GRM8: variants seen among roughly 807,000 people sequenced by gnomAD.
GRM8 encodes the protein metabotropic glutamate receptor 8.
A neutral mutation model predicts 87.2 loss-of-function variants in GRM8; 47 were observed. The observed-to-expected ratio is 0.54, with a 90% CI of 0.43 to 0.69. The LOEUF is 0.69. GRM8 is among the 30% of genes least tolerant of loss of function. GRM8 has a pLI of 0.00. For synonymous variants in GRM8, 396 were observed against 404.5 expected, an observed-to-expected ratio of 0.98 and a Z score of 0.25; for missense variants, 1,019 against 1,139.2, an observed-to-expected ratio of 0.89 and a Z score of 1.52.
intron 7 of GRM8, among the ~76,000 whole-genome samples, chr7:126,732,620 T>C (rs1813725536): frequency 6.6e-6 from 1 of 152,166 alleles, no homozygotes; most frequent in African/African-American, 2.4e-5. Context: ...AATTCACTTA[T>C]CCTTATTTGT....
intron 7 of GRM8, among the ~76,000 whole-genome samples, chr7:126,734,476 T>G (rs1813970920): frequency 6.6e-6 from 1 of 151,312 alleles, no homozygotes; most frequent in Non-Finnish European, 1.5e-5. Context: ...TAATATTGTA[T>G]AGTAATATAT....
chr7:126,715,386 G>T (rs1811615448), intron 7 of GRM8, among the ~76,000 whole-genome samples: 1 of 152,098 alleles, frequency 6.6e-6, no homozygotes, highest in African/African-American at 2.4e-5. Context: ...ATTTAATGCT[G>T]CACCCTTAAG....
intron 2 of GRM8, among the ~76,000 whole-genome samples, chr7:127,165,717 A>C (rs1277457750): frequency 2.0e-5 from 3 of 152,114 alleles, no homozygotes; most frequent in African/African-American, 7.2e-5. Context: ...TTACACCTTT[A>C]AACTGGTTTC....
chr7:127,117,006 T>G (rs1826736423), intron 2 of GRM8, among the ~76,000 whole-genome samples: 1 of 152,074 alleles, frequency 6.6e-6, no homozygotes, highest in Non-Finnish European at 1.5e-5. Flanking sequence ...AATAAATGAA[T>G]GGATAGATGA....
At chr7:126,823,130 TTTATTAA>T (rs1430440954) in intron 6 of GRM8, among the ~76,000 whole-genome samples, 1 of 152,206 alleles carries the variant, frequency 6.6e-6, no homozygotes, top group Non-Finnish European at 1.5e-5. Flanking sequence ...GAAATAAGAT[TTTATTAA>T]TGCAGTCTAA....
intron 7 of GRM8, among the ~76,000 whole-genome samples, chr7:126,624,383 A>T (rs1382887616): frequency 6.6e-6 from 1 of 152,042 alleles, no homozygotes; most frequent in Non-Finnish European, 1.5e-5. Context: ...TGATCTTCTG[A>T]CTGGCTTCTT....
At chr7:126,997,488 A>G (rs900181967) in intron 3 of GRM8, among the ~76,000 whole-genome samples, 2 of 151,382 alleles carry the variant, frequency 1.3e-5, no homozygotes, top group Admixed American at 6.6e-5. Flanking sequence ...GATAAACAAA[A>G]CCAGAAGTTT....
At chr7:127,050,699 A>G (rs2132485186) in intron 3 of GRM8, among the ~76,000 whole-genome samples, 1 of 152,254 alleles carries the variant, frequency 6.6e-6, no homozygotes, top group South Asian at 2.1e-4. Flanking sequence ...CATCAAAGAC[A>G]CATTCTGATA....
At chr7:127,069,320 GCC>G (rs1821446005) in intron 3 of GRM8, among the ~76,000 whole-genome samples, 1 of 152,064 alleles carries the variant, frequency 6.6e-6, no homozygotes, top group Admixed American at 6.5e-5. Context: ...GCACCAACAT[GCC>G]CAGCTAATTT....
intron 8 of GRM8, among the ~76,000 whole-genome samples, chr7:126,562,647 C>A (rs1055750984): frequency 2.0e-5 from 3 of 152,174 alleles, no homozygotes; most frequent in Non-Finnish European, 4.4e-5. Flanking sequence ...GTAATCCCAG[C>A]ACTTTGGGAG....
At chr7:127,229,804 T>C (rs989937050) in intron 2 of GRM8, 2 of 152,216 alleles carry the variant, frequency 1.3e-5, no homozygotes, top group African/African-American at 4.8e-5. Flanking sequence ...ACAGTGTAGG[T>C]ATGATTACTC....
Position 126,533,147 on chromosome 7 carries a change from A to G in GRM8, c.2235T>C (p.Ser745=). 2 of 1,613,378 alleles carry G rather than the reference A, an allele frequency of 1.2e-6. No homozygotes were observed. The highest frequency in any genetic ancestry group is 2.2e-5 in the South Asian group (2 of 91,038). The change falls in exon 9 of 11, where the codon TCT becomes TCC. Residue 745 remains serine (S), a synonymous_variant. Transcript: ENST00000339582. The part of the protein sequence containing the change: ...KARGVLKCDI[S]DLSLICSLGY... ...CAAGTGAACAAATGAGTGAGAGATC[A>G]GAAATGTCACACTTGAGCACTCCCC...
At chr7:127,116,738 C>T (rs1213457724) in intron 2 of GRM8, among the ~76,000 whole-genome samples, 1 of 152,174 alleles carries the variant, frequency 6.6e-6, no homozygotes, top group Non-Finnish European at 1.5e-5. Flanking sequence ...GTGTATACTA[C>T]CCAATTTGCA....
intron 7 of GRM8, among the ~76,000 whole-genome samples, chr7:126,753,397 T>TAG (rs1386079769): frequency 1.6e-4 from 24 of 151,574 alleles, no homozygotes; most frequent in South Asian, 1.5e-3. Context: ...CATATATATA[T>TAG]ATAGATAGAT....
At chr7:126,662,730 A>T (rs76448503) in intron 7 of GRM8, among the ~76,000 whole-genome samples, 2 of 149,906 alleles carry the variant, frequency 1.3e-5, no homozygotes, top group Non-Finnish European at 3.0e-5. Context: ...AAAATATTCT[A>T]TTTTTTTTTT....
At chr7:126,761,952 T>C (rs1375344023) in intron 7 of GRM8, among the ~76,000 whole-genome samples, 1 of 152,210 alleles carries the variant, frequency 6.6e-6, no homozygotes, top group Non-Finnish European at 1.5e-5. Flanking sequence ...ATCTCAACCT[T>C]ATACTGTGTT....
intron 8 of GRM8, among the ~76,000 whole-genome samples, chr7:126,562,850 C>T (rs990153): frequency 0.82 from 125,272 of 152,132 alleles, 51,967 homozygotes; most frequent in East Asian, 0.94. Context: ...TGAGCCGAGA[C>T]CATACCACTG....
At chr7:126,943,242 G>A (rs1807164626) in intron 3 of GRM8, among the ~76,000 whole-genome samples, 1 of 152,214 alleles carries the variant, frequency 6.6e-6, no homozygotes, top group Non-Finnish European at 1.5e-5. Flanking sequence ...GATCACACCA[G>A]TCACAATCAC....
intron 8 of GRM8, among the ~76,000 whole-genome samples, chr7:126,567,421 G>C (rs374259867): frequency 1.3e-5 from 2 of 150,770 alleles, no homozygotes; most frequent in African/African-American, 4.9e-5. Context: ...GGTAGGGGGA[G>C]GGGGGAGGGA....
Sources: gnomAD v4.1 joint callset for allele counts (sites outside exome capture counted in the v4.1 genomes callset) on GRCh38, gnomAD v4.1.1 for gene constraint, MANE v1.5 for transcripts, NCBI Gene and HGNC (gene_info 2026-07-23, HGNC 2026-07-21) for gene names.